METTL2A: variants seen among roughly 807,000 people sequenced by gnomAD.
The protein encoded by METTL2A is tRNA N(3)-cytidine methyltransferase METTL2A.
METTL2A carries 45 observed loss-of-function variants against 49.4 expected under a neutral mutation model. That is an observed-to-expected ratio of 0.91 (90% confidence interval 0.72 to 1.17). The LOEUF is 1.17. Ranked by LOEUF, METTL2A falls within the 50% of genes most tolerant of loss-of-function variation. The pLI is 0.00. For synonymous variants in METTL2A, 118 were observed against 167.5 expected (o/e 0.70, Z 2.28); for missense variants, 361 against 462.2 (o/e 0.78, Z 2.01).
chr17:62,426,873 G>A (rs1330403939), intron 3 of METTL2A, among the ~76,000 whole-genome samples: 3 of 152,206 alleles, frequency 2.0e-5, no homozygotes, highest in Non-Finnish European at 4.4e-5. Flanking sequence ...GATCACACGA[G>A]AATAGCATGT....
intron 2 of METTL2A, 72 bp from the exon 3 acceptor site, chr17:62,426,227 G>A (rs1598029216): frequency 7.1e-7 from 1 of 1,415,238 alleles, no homozygotes; most frequent in Non-Finnish European, 9.6e-7. Flanking sequence ...TGGTAAAGCA[G>A]GATAATTGAT....
At chr17:62,435,197 T>C (rs749103922) in intron 4 of METTL2A, 35 bp from the exon 5 acceptor site, 2 of 1,613,954 alleles carry the variant, frequency 1.2e-6, no homozygotes, top group East Asian at 2.2e-5. Context: ...GCTCGATTTG[T>C]AGTCTCATTG....
chr17:62,438,140 T>C (rs1480517197), intron 5 of METTL2A, among the ~76,000 whole-genome samples: 9 of 150,818 alleles, frequency 6.0e-5, no homozygotes, highest in Non-Finnish European at 1.3e-4. Flanking sequence ...GGTGCAGTGG[T>C]TCATGCCTGT....
intron 7 of METTL2A, among the ~76,000 whole-genome samples, chr17:62,446,728 C>T (rs936160519): frequency 6.6e-6 from 1 of 152,180 alleles, no homozygotes; most frequent in Admixed American, 6.6e-5. Context: ...AAGTGAATGC[C>T]TCTGGATAGG....
At chr17:62,434,198 C>T (rs1197624748) in intron 4 of METTL2A, among the ~76,000 whole-genome samples, 1 of 152,200 alleles carries the variant, frequency 6.6e-6, no homozygotes, top group Non-Finnish European at 1.5e-5. Flanking sequence ...TTATGATGGT[C>T]AGTAGCCACG....
At chr17:62,442,300 G>A (rs2070743265) in intron 6 of METTL2A, among the ~76,000 whole-genome samples, 1 of 151,592 alleles carries the variant, frequency 6.6e-6, no homozygotes. Context: ...TTCTGAGATG[G>A]AGTCTCACTC....
At chr17:62,434,499 C>T (rs566342153) in intron 4 of METTL2A, among the ~76,000 whole-genome samples, 1 of 152,266 alleles carries the variant, frequency 6.6e-6, no homozygotes, top group East Asian at 1.9e-4. Flanking sequence ...ATACAGCCTT[C>T]CTCCTCTCCC....
Position 62,453,239 on chromosome 17 carries a change from C to A in METTL2A, c.*4510C>A, listed in dbSNP as rs1321063835. 2.0e-5 allele frequency among the ~76,000 whole-genome samples: 3 copies of A among 152,174 alleles called. No homozygotes were observed. Among genetic ancestry groups the A allele is most frequent in the Admixed American group, 6.6e-5 (1 of 15,266 alleles). On this transcript the variant is annotated 3_prime_UTR_variant, in exon 9 of 9. Coordinates refer to ENST00000311506, the MANE Select transcript of METTL2A (RefSeq NM_181725.4). ...CTGCTAAGCTCGACTTTTTATCTCT[C>A]AGGCCAAATTTGACTCTGCAAGGGA...
In METTL2A at chr17:62,449,486, G is replaced by A. The variant is rs1371538310; in HGVS notation, c.*757G>A. On this transcript the variant is annotated 3_prime_UTR_variant, in exon 9 of 9. Transcript: ENST00000311506. The stretch of plus-strand genomic sequence containing the variant: ...AGCACTTTGGGAGGCCAAGGCGGGC[G>A]GATCAGCTGAGGTCAGGAGTTGGAG... 4.7e-5 allele frequency: 20 copies of A among 427,672 alleles called. No homozygotes were observed. The highest frequency in any genetic ancestry group is 7.8e-5 in the Non-Finnish European group (17 of 216,880). The allele number at this position is 427,672 out of a possible 1,614,324, so 26.5% of individuals were successfully genotyped here.
At chr17:62,437,050 A>AAAAG (rs764445606) in intron 5 of METTL2A, among the ~76,000 whole-genome samples, 118 of 152,168 alleles carry the variant, frequency 7.8e-4, no homozygotes, top group African/African-American at 2.3e-3. Flanking sequence ...TGCTGGTTTA[A>AAAAG]AAAGAAAGAA....
rs749084832 is a variant in METTL2A, at chr17:62,435,278, A to C, written c.655A>C (p.Ile219Leu). ...TTGCTGTGATTTTTCTTCCACAGCT[A>C]TAGAACTGGTCCAGGTGAGTACAAT... Reference protein sequence around the residue: ...VYCCDFSSTAIELVQTNSEYD... With the variant: ...VYCCDFSSTALELVQTNSEYD... The change falls in exon 5 of 9, where the codon ATA becomes CTA. Residue 219 changes from isoleucine (I) to leucine (L), a missense_variant. Physicochemically the swap from Ile to Leu is conservative, Grantham distance 5. Around this residue, in one of 3 missense-constraint regions of METTL2A, gnomAD observed 183 missense variants for 216.5 expected, o/e 0.85. Coordinates refer to ENST00000311506, the MANE Select transcript of METTL2A (RefSeq NM_181725.4). The C allele has an allele frequency of 1.2e-6, 2 of 1,613,964 alleles. No homozygotes were observed. Among genetic ancestry groups the C allele is most frequent in the South Asian group, 1.1e-5 (1 of 91,074 alleles).
chr17:62,438,973 ATTTTTTTTTT>A (rs1167283450), intron 5 of METTL2A, among the ~76,000 whole-genome samples: 2 of 93,562 alleles, frequency 2.1e-5, no homozygotes, highest in Non-Finnish European at 4.0e-5. Context: ...CACTTGGCTA[ATTTTTTTTTT>A]TTTTTTTTTT....
chr17:62,447,591 G>A (rs761276373), intron 7 of METTL2A, 110 bp from the exon 8 acceptor site: 367 of 1,153,258 alleles, frequency 3.2e-4, no homozygotes, highest in Non-Finnish European at 4.2e-4. Context: ...AAGCACTGAG[G>A]CAGGAGTGCT....
chr17:62,431,054 G>A (rs536591108), intron 4 of METTL2A, among the ~76,000 whole-genome samples: 5 of 151,466 alleles, frequency 3.3e-5, no homozygotes, highest in African/African-American at 7.3e-5. Context: ...TAGTAGAGAC[G>A]GGGTTTCTCC....
At position 62,428,184 on chromosome 17, in the gene METTL2A, C is replaced by T. The variant is rs145864118; in HGVS notation, c.608+347C>T. Among the ~76,000 whole-genome samples, 936 of 152,316 alleles carry T rather than the reference C, an allele frequency of 6.1e-3. 12 individuals carry two copies. The highest frequency in any genetic ancestry group is 0.021 in the African/African-American group (891 of 41,566). On this transcript the variant is annotated intron_variant, in intron 4 of 8. Transcript: ENST00000311506. ...TAACATTTAGCGCCTTCTTCTTCTT[C>T]TAAGGAACAAATGTGTTCAACTTTT...
intron 4 of METTL2A, among the ~76,000 whole-genome samples, chr17:62,431,181 A>C (rs1394020907): frequency 6.6e-6 from 1 of 151,500 alleles, no homozygotes; most frequent in Non-Finnish European, 1.5e-5. Context: ...TGTACTTTTT[A>C]GTAGAGATGA....
intron 4 of METTL2A, among the ~76,000 whole-genome samples, chr17:62,430,086 G>A (rs2070654819): frequency 6.6e-6 from 1 of 152,184 alleles, no homozygotes; most frequent in South Asian, 2.1e-4. Flanking sequence ...TTAGCCCACA[G>A]TATTCATTAA....
At chr17:62,447,249 A>C (rs530221952) in intron 7 of METTL2A, among the ~76,000 whole-genome samples, 4 of 151,706 alleles carry the variant, frequency 2.6e-5, no homozygotes, top group Non-Finnish European at 4.4e-5. Context: ...TGAAACCCTG[A>C]CTCTACTAAA....
chr17:62,431,682 G>A (rs1395829689), intron 4 of METTL2A, among the ~76,000 whole-genome samples: 1 of 152,084 alleles, frequency 6.6e-6, no homozygotes, highest in Non-Finnish European at 1.5e-5. Context: ...GATATAAAGT[G>A]TATAATACAG....
Sources: gnomAD v4.1 joint callset for allele counts (sites outside exome capture counted in the v4.1 genomes callset) on GRCh38, gnomAD v4.1.1 for gene constraint, gnomAD v4.1.1 regional missense constraint, MANE v1.5 for transcripts, NCBI Gene and HGNC (gene_info 2026-07-23, HGNC 2026-07-21) for gene names.